SPOCK1: variants seen among roughly 807,000 people sequenced by gnomAD.
The protein encoded by SPOCK1 is SPARC (osteonectin), cwcv and kazal like domains proteoglycan 1, also known as testican-1.
Under a neutral mutation model 55.3 loss-of-function variants are expected in SPOCK1, and 23 were observed. That is an observed-to-expected ratio of 0.42 (90% CI 0.30 to 0.59). The LOEUF (loss-of-function observed/expected upper bound fraction) is 0.59. SPOCK1 is among the 20% of genes least tolerant of loss of function. The pLI, the probability that SPOCK1 is intolerant of heterozygous loss-of-function variation, is 0.22. For missense variants in SPOCK1, 499 were observed against 552.5 expected (o/e 0.90, Z 0.97); for synonymous variants, 226 against 221.0 (o/e 1.02, Z -0.20).
intron 2 of SPOCK1, among the ~76,000 whole-genome samples, chr5:137,287,694 A>C (rs113449387): frequency 0.012 from 1,826 of 152,328 alleles, 39 homozygotes; most frequent in African/African-American, 0.041. Flanking sequence ...GCAATTACTA[A>C]GCTCTGAACT....
chr5:137,177,188 T>A (rs895870285), intron 3 of SPOCK1, among the ~76,000 whole-genome samples: 1 of 152,208 alleles, frequency 6.6e-6, no homozygotes, highest in Non-Finnish European at 1.5e-5. Context: ...CTGGGTGTAC[T>A]TTTTTCTTAG....
At chr5:137,112,039 C>T (rs183348092) in intron 5 of SPOCK1, among the ~76,000 whole-genome samples, 2 of 152,186 alleles carry the variant, frequency 1.3e-5, no homozygotes, top group Non-Finnish European at 2.9e-5. Flanking sequence ...TGATGTCACA[C>T]CCCTTCCTTC....
At chr5:137,153,708 A>G (rs1754360664) in intron 3 of SPOCK1, among the ~76,000 whole-genome samples, 2 of 152,034 alleles carry the variant, frequency 1.3e-5, no homozygotes, top group Admixed American at 1.3e-4. Flanking sequence ...TTTGAAAAAA[A>G]TTAGCCAGGC....
intron 2 of SPOCK1, among the ~76,000 whole-genome samples, chr5:137,384,563 C>CATATATATATATATATATAT (rs368458010): frequency 1.5e-5 from 2 of 133,526 alleles, no homozygotes; most frequent in African/African-American, 7.0e-5. Context: ...TACATACATA[C>CATATATATATATATATATAT]ATATATATAT....
At chr5:137,462,998 A>T (rs1528970) in intron 2 of SPOCK1, among the ~76,000 whole-genome samples, 42,818 of 152,112 alleles carry the variant, frequency 0.28, 6,056 homozygotes, top group Middle Eastern at 0.38. Flanking sequence ...GAGCCAAATC[A>T]TTCAGGGGCT....
chr5:137,455,433 C>G (rs1440331693), intron 2 of SPOCK1, among the ~76,000 whole-genome samples: 1 of 152,162 alleles, frequency 6.6e-6, no homozygotes, highest in Non-Finnish European at 1.5e-5. Flanking sequence ...GAATATCGAG[C>G]ATGTCTCCTA....
At chr5:137,251,921 C>CT (rs1393668845) in intron 3 of SPOCK1, among the ~76,000 whole-genome samples, 2 of 152,022 alleles carry the variant, frequency 1.3e-5, no homozygotes, top group African/African-American at 4.8e-5. Context: ...ATATTATTTG[C>CT]TTTTTTATTT....
intron 2 of SPOCK1, among the ~76,000 whole-genome samples, chr5:137,334,174 T>G (rs1485094242): frequency 6.6e-6 from 1 of 152,200 alleles, no homozygotes; most frequent in East Asian, 1.9e-4. Context: ...TGAGACAGAC[T>G]TGCCTCAAAA....
intron 6 of SPOCK1, among the ~76,000 whole-genome samples, chr5:137,061,984 A>G (rs1752402485): frequency 6.6e-6 from 1 of 152,138 alleles, no homozygotes; most frequent in South Asian, 2.1e-4. Flanking sequence ...CACTAGACCC[A>G]GGGTCAGGTG....
At chr5:137,025,133 G>T (rs1751648509) in intron 6 of SPOCK1, among the ~76,000 whole-genome samples, 1 of 152,142 alleles carries the variant, frequency 6.6e-6, no homozygotes, top group Non-Finnish European at 1.5e-5. Context: ...TAATCAAAGG[G>T]CATGAAGTTT....
chr5:137,002,496 A>T lies in SPOCK1; in HGVS notation c.590-9896T>A, dbSNP rs575002919. On this transcript the variant is annotated intron_variant, in intron 6 of 10. Coordinates refer to ENST00000394945, the MANE Select transcript of SPOCK1 (RefSeq NM_004598.4). ...CACTCTGGGGCCAAAAAAAAAAAAA[A>T]TTATTGGATATGCAAAATATTGGTT... 4.0e-4 allele frequency among the ~76,000 whole-genome samples: 61 copies of T among 151,004 alleles called. 1 individual carries two copies. The South Asian group carries it at 0.012, about 30-fold the overall frequency.
chr5:137,331,639 G>A (rs1442274271), intron 2 of SPOCK1, among the ~76,000 whole-genome samples: 1 of 152,108 alleles, frequency 6.6e-6, no homozygotes, highest in Non-Finnish European at 1.5e-5. Context: ...ATGGTGAGAG[G>A]GGAAGCAAGA....
chr5:137,239,901 G>C (rs985487439), intron 3 of SPOCK1, among the ~76,000 whole-genome samples: 1 of 152,114 alleles, frequency 6.6e-6, no homozygotes, highest in Non-Finnish European at 1.5e-5. Flanking sequence ...TATATACTTA[G>C]AAAGTCTAAA....
chr5:137,419,084 C>G (rs549337249), intron 2 of SPOCK1, among the ~76,000 whole-genome samples: 1 of 152,176 alleles, frequency 6.6e-6, no homozygotes, highest in Non-Finnish European at 1.5e-5. Flanking sequence ...TTGTTTTTGT[C>G]AAGTTTGTCA....
intron 6 of SPOCK1, among the ~76,000 whole-genome samples, chr5:137,060,629 T>G (rs554344478): frequency 5.9e-4 from 68 of 115,758 alleles, no homozygotes; most frequent in African/African-American, 1.6e-3. Context: ...GTTAATTTTG[T>G]ACATAAAAAA....
intron 2 of SPOCK1, among the ~76,000 whole-genome samples, chr5:137,450,716 C>T (rs1184870567): frequency 6.6e-6 from 1 of 152,014 alleles, no homozygotes; most frequent in Admixed American, 6.5e-5. Flanking sequence ...CCTCTTTTTT[C>T]CTGATAATGG....
intron 3 of SPOCK1, among the ~76,000 whole-genome samples, chr5:137,200,108 G>T (rs1016282188): frequency 6.6e-6 from 1 of 152,164 alleles, no homozygotes; most frequent in African/African-American, 2.4e-5. Flanking sequence ...CACTCAAAGT[G>T]AAGAGTCCTT....
At chr5:137,474,330 A>G (rs1753794537) in intron 2 of SPOCK1, among the ~76,000 whole-genome samples, 1 of 152,222 alleles carries the variant, frequency 6.6e-6, no homozygotes, top group African/African-American at 2.4e-5. Flanking sequence ...AATACAATAA[A>G]TAAGTAAATG....
intron 3 of SPOCK1, among the ~76,000 whole-genome samples, chr5:137,201,492 A>T (rs573851439): frequency 6.6e-6 from 1 of 152,312 alleles, no homozygotes; most frequent in South Asian, 2.1e-4. Context: ...AAACAAAGCC[A>T]CCGTAACATT....
Sources: allele counts gnomAD v4.1 joint callset (sites outside exome capture counted in the v4.1 genomes callset), GRCh38; gene constraint gnomAD v4.1.1; transcripts MANE v1.5; gene names NCBI Gene and HGNC (gene_info 2026-07-23, HGNC 2026-07-21).